The following LPL variants were observed in gnomAD, a reference collection of about 807,000 sequenced individuals.
The protein encoded by LPL is lipoprotein lipase.
Under a neutral mutation model 52.2 loss-of-function variants are expected in LPL, and 43 were observed. The ratio of observed to expected loss-of-function variants is 0.82; its 90% CI spans 0.64 to 1.06. LPL has a LOEUF of 1.06. Among genes scored for constraint, LPL ranks in the 50% least tolerant of loss-of-function variants. LPL has a pLI of 0.00. For missense variants in LPL, 639 were observed against 585.3 expected, an observed-to-expected ratio of 1.09 and a Z score of -0.95; for synonymous variants, 244 against 215.6, an observed-to-expected ratio of 1.13 and a Z score of -1.15.
chr8:19,942,753 G>A (rs747692877), intron 1 of LPL, among the ~76,000 whole-genome samples: 12 of 152,196 alleles, frequency 7.9e-5, no homozygotes, highest in Non-Finnish European at 1.5e-4. Flanking sequence ...ACTAGACTGC[G>A]TGACTGCAGT....
chr8:19,964,865 A>G (rs1473560561), intron 9 of LPL, among the ~76,000 whole-genome samples: 1 of 152,164 alleles, frequency 6.6e-6, no homozygotes, highest in Admixed American at 6.6e-5. Context: ...AACTTTATCT[A>G]GGAGGTAATT....
intron 6 of LPL, among the ~76,000 whole-genome samples, chr8:19,958,143 T>C (rs1316376940): frequency 1.3e-5 from 2 of 151,938 alleles, no homozygotes; most frequent in Non-Finnish European, 2.9e-5. Flanking sequence ...CTCAGCCTCC[T>C]GAGTAACTGG....
At position 19,966,375 on chromosome 8, in the gene LPL, G is replaced by A. The variant is rs1255275914; in HGVS notation, c.*1065G>A. ...TTTTTACTAAGTAAAAGGGTGGAGA[G>A]GTTCCTGGGGTGGATTCCTAAGCAG... On this transcript the variant is annotated 3_prime_UTR_variant, in exon 10 of 10. Transcript: ENST00000650287. The A allele has an allele frequency of 6.6e-6, 1 of 152,182 alleles. No homozygotes were observed. The highest frequency in any genetic ancestry group is 1.5e-5 in the Non-Finnish European group (1 of 68,034). The allele number at this position is 152,182 out of a possible 1,614,324, so 9.4% of individuals were successfully genotyped here.
rs1236610745 is a variant in LPL, at chr8:19,966,978, T to G, written c.*1668T>G. 6.6e-6 allele frequency: 1 copy of G among 152,640 alleles called. No individual in the cohort carries two copies. The highest frequency in any genetic ancestry group is 1.5e-5 in the Non-Finnish European group (1 of 68,038). 9.5% of individuals were successfully genotyped at this position (152,640 alleles called of 1,614,324 possible). On this transcript the variant is annotated 3_prime_UTR_variant, in exon 10 of 10. Transcript: ENST00000650287. ...CTGGGAACTCTGGCTCCGAAAAACTTTGTTATATATATCAAGGATGTTCTG... is the reference window on the plus strand; with the variant it reads ...CTGGGAACTCTGGCTCCGAAAAACTGTGTTATATATATCAAGGATGTTCTG...
At chr8:19,963,736 G>A (rs28439839) in intron 9 of LPL, among the ~76,000 whole-genome samples, 5,666 of 152,058 alleles carry the variant, frequency 0.037, 351 homozygotes, top group African/African-American at 0.13. Flanking sequence ...GAGAACATCT[G>A]GATCAAAAGC....
chr8:19,956,778 T>C (rs276), intron 6 of LPL, among the ~76,000 whole-genome samples: 8,216 of 152,266 alleles, frequency 0.054, 507 homozygotes, highest in African/African-American at 0.14. Flanking sequence ...CCTGGCCCTT[T>C]ACAGAATGTT....
In LPL at chr8:19,960,888, C is replaced by T. The variant is rs756414875; in HGVS notation, c.1140-13C>T. Reference sequence around the variant, plus strand: ...TCTCTATAACTAACCAAATTTATTGCTTTTTTGTTTAGGCCTGAAGTTTCC... The same window carrying T: ...TCTCTATAACTAACCAAATTTATTGTTTTTTTGTTTAGGCCTGAAGTTTCC... On this transcript the variant is annotated splice_polypyrimidine_tract_variant and intron_variant, in intron 7 of 9. Coordinates refer to ENST00000650287, the MANE Select transcript of LPL (RefSeq NM_000237.3). 11 of 1,610,526 alleles carry T rather than the reference C, an allele frequency of 6.8e-6. No individual in the cohort carries two copies. In the Admixed American group the frequency reaches 1.2e-4, roughly 17 times the overall value.
In LPL at chr8:19,962,869, T is replaced by C. The variant is rs760134594; in HGVS notation, c.1427+650T>C. On this transcript the variant is annotated intron_variant, in intron 9 of 9. Coordinates refer to ENST00000650287, the MANE Select transcript of LPL (RefSeq NM_000237.3). ...GCTAATCCATGTGGCAGCTGTTAGC[T>C]GCATCTTTCCAGAGCGTCAGTACTG... Among the ~76,000 whole-genome samples the C allele has an allele frequency of 1.6e-3, 246 of 152,354 alleles. 1 individual carries two copies. The highest frequency in any genetic ancestry group is 2.3e-3 in the Non-Finnish European group (159 of 68,030).
In LPL at chr8:19,966,209, T is replaced by C. The variant is rs1458586103; in HGVS notation, c.*899T>C. On this transcript the variant is annotated 3_prime_UTR_variant, in exon 10 of 10. Transcript: ENST00000650287. ...AAATCATTCAATATCTGACAGTTAC[T>C]CTTCAGTTTTAGGCTTACCTTGGTC... 6.6e-6 allele frequency: 1 copy of C among 152,236 alleles called. No individual in the cohort carries two copies. Among genetic ancestry groups the C allele is most frequent in the African/African-American group, 2.4e-5 (1 of 41,456 alleles). 9.4% of individuals were successfully genotyped at this position (152,236 alleles called of 1,614,324 possible).
chr8:19,959,578 C>T (rs942793272), intron 7 of LPL, among the ~76,000 whole-genome samples, 198 bp downstream of exon 7: 2 of 152,152 alleles, frequency 1.3e-5, no homozygotes, highest in African/African-American at 2.4e-5. Flanking sequence ...TTTTCACTTA[C>T]TAGTTATATT....
At chr8:19,953,231 A>T in intron 3 of LPL, 79 bp from the exon 4 acceptor site, 1 of 850,658 alleles carries the variant, frequency 1.2e-6, no homozygotes, top group Non-Finnish European at 2.0e-6. Flanking sequence ...TTGGAAAACA[A>T]TATTTATATT....
chr8:19,965,230 T>G lies in LPL; in HGVS notation c.*-80T>G. The G allele has an allele frequency of 3.9e-6, 3 of 774,088 alleles. No individual in the cohort carries two copies. In the South Asian group the frequency reaches 4.1e-5, roughly 11 times the overall value. 48.0% of individuals were successfully genotyped at this position (774,088 alleles called of 1,614,324 possible). A position where few individuals can be genotyped will look rare whatever the true frequency, so the allele number is the denominator to read the frequency against. The stretch of plus-strand genomic sequence containing the variant: ...TTCCATTTGAAGGCTTTTTCCATCC[T>G]AAAACCAGTGGGGGACAGGCGGGAA... On this transcript the variant is annotated intron_variant, in intron 9 of 9. Transcript: ENST00000650287.
chr8:19,962,391 C>T (rs532449033), intron 9 of LPL, among the ~76,000 whole-genome samples, 172 bp downstream of exon 9: 84 of 152,326 alleles, frequency 5.5e-4, no homozygotes, highest in South Asian at 1.2e-3. Flanking sequence ...GGGTCTGTTG[C>T]TTTATGCAAT....
intron 9 of LPL, among the ~76,000 whole-genome samples, chr8:19,963,252 G>A (rs374783839): frequency 3.5e-4 from 53 of 152,162 alleles, no homozygotes; most frequent in Middle Eastern, 3.4e-3. Flanking sequence ...CCTGGCCAAC[G>A]TGGCGAAACC....
In LPL at chr8:19,961,033, C is replaced by T. The variant is rs200852756; in HGVS notation, c.1272C>T (p.Pro424=). The change falls in exon 8 of 10, where the codon CCC becomes CCT. Residue 424 remains proline, a synonymous_variant. Coordinates refer to ENST00000650287, the MANE Select transcript of LPL (RefSeq NM_000237.3). ...YFSWSDWWSS[P]GFAIQKIRVK... ...GCTGGTCAGACTGGTGGAGCAGTCC[C>T]GGCTTCGCCATTCAGAAGATCAGAG... is the stretch of plus-strand genomic sequence containing the variant. 23 of 1,613,934 alleles carry T rather than the reference C, an allele frequency of 1.4e-5. 1 individual carries two copies. The highest frequency in any genetic ancestry group is 7.7e-5 in the South Asian group (7 of 91,074).
Position 19,950,960 on chromosome 8 carries a change from CAAAGA to C in LPL, c.250-803_250-799del, listed in dbSNP as rs1444629882. Among the ~76,000 whole-genome samples the C allele has an allele frequency of 7.2e-6, 1 of 139,718 alleles. No homozygotes were observed. Among genetic ancestry groups the C allele is most frequent in the Non-Finnish European group, 1.6e-5 (1 of 63,062 alleles). The allele number at this position is 139,718 out of a possible 152,430, so 91.7% of individuals were successfully genotyped here. A position where few individuals can be genotyped will look rare whatever the true frequency, so the allele number is the denominator to read the frequency against. On this transcript the variant is annotated intron_variant, in intron 2 of 9. Transcript: ENST00000650287. This position sits in a 1 kb window ranked among gnomAD's most constrained non-coding sequence, Gnocchi z 4.2. ...GAGGGAGGAAGAAAGGAAGGAAGAACAAAGAAAAGAGAAACACTGGTAGTACAGAA... is the reference window on the plus strand; with the variant it reads ...GAGGGAGGAAGAAAGGAAGGAAGAACAAAGAGAAACACTGGTAGTACAGAA...
rs750580724 is a variant in LPL, at chr8:19,959,397, G to A, written c.1139+17G>A. 3 of 1,613,850 alleles carry A rather than the reference G, an allele frequency of 1.9e-6. No homozygotes were observed. Among genetic ancestry groups the A allele is most frequent in the East Asian group, 4.5e-5 (2 of 44,870 alleles). On this transcript the variant is annotated intron_variant, in intron 7 of 9. Coordinates refer to ENST00000650287, the MANE Select transcript of LPL (RefSeq NM_000237.3). Reference sequence around the variant, plus strand: ...ATTCACTCTGTGAGTAGCACAGGGGGGCGGTCATCATGGCACCAGTCCCTC... The same window carrying A: ...ATTCACTCTGTGAGTAGCACAGGGGAGCGGTCATCATGGCACCAGTCCCTC...
rs1296226558 is a variant in LPL, at chr8:19,960,972, T to A, written c.1211T>A (p.Met404Lys). The change falls in exon 8 of 10, where the codon ATG becomes AAG. Residue 404 changes from methionine to lysine, a missense_variant. By Grantham distance (95) the Met-to-Lys change is moderately conservative. Transcript: ENST00000650287. ...GAGGTAGATATTGGAGAACTACTCA[T>A]GTTGAAGCTCAAATGGAAGAGTGAT... ...YTEVDIGELL[M>K]LKLKWKSDSY... 6.2e-7 allele frequency: 1 copy of A among 1,614,044 alleles called. No homozygotes were observed. The highest frequency in any genetic ancestry group is 8.5e-7 in the Non-Finnish European group (1 of 1,179,914).
intron 1 of LPL, among the ~76,000 whole-genome samples, chr8:19,945,660 C>A (rs1481388184): frequency 6.6e-6 from 1 of 152,124 alleles, no homozygotes; most frequent in South Asian, 2.1e-4. Context: ...CAAAGCCAGT[C>A]TTAGTCATTT....
Sources: allele counts gnomAD v4.1 joint callset (sites outside exome capture counted in the v4.1 genomes callset), GRCh38; gene constraint gnomAD v4.1.1; non-coding constraint Gnocchi (gnomAD v3.1); transcripts MANE v1.5; gene names NCBI Gene and HGNC (gene_info 2026-07-23, HGNC 2026-07-21).